The following EXOC4 variants were observed in gnomAD, a reference collection of about 807,000 sequenced individuals.
The protein encoded by EXOC4 is exocyst complex component 4.
EXOC4 carries 71 observed loss-of-function variants against 107.2 expected under a neutral mutation model. That is an observed-to-expected ratio of 0.66 (90% CI 0.55 to 0.81). The LOEUF (loss-of-function observed/expected upper bound fraction) is 0.81, where lower values mean the gene tolerates loss of function less well. Among genes scored for constraint, EXOC4 ranks in the 30% least tolerant of loss-of-function variants. The pLI, the probability that EXOC4 is intolerant of heterozygous loss-of-function variation, is 0.00. For synonymous variants in EXOC4, 456 were observed against 441.2 expected (o/e 1.03, Z -0.42); for missense variants, 1,108 against 1,189.6 (o/e 0.93, Z 1.01).
At chr7:133,372,653 A>G (rs1796403238) in intron 6 of EXOC4, among the ~76,000 whole-genome samples, 1 of 152,264 alleles carries the variant, frequency 6.6e-6, no homozygotes, top group African/African-American at 2.4e-5. Flanking sequence ...GGAGATAACC[A>G]GATAACAGCA....
chr7:133,377,414 T>C (rs1343183261), intron 7 of EXOC4, among the ~76,000 whole-genome samples: 1 of 152,052 alleles, frequency 6.6e-6, no homozygotes, highest in Non-Finnish European at 1.5e-5. Context: ...TAGCTGCAGA[T>C]AACATACTGT....
intron 11 of EXOC4, among the ~76,000 whole-genome samples, chr7:133,868,286 C>G (rs547689121): frequency 6.6e-6 from 1 of 152,312 alleles, no homozygotes; most frequent in South Asian, 2.1e-4. Context: ...GAATGATTCT[C>G]TAATCTGCCT....
intron 3 of EXOC4, among the ~76,000 whole-genome samples, chr7:133,295,888 AG>A (rs530841305): frequency 2.0e-5 from 3 of 152,286 alleles, no homozygotes; most frequent in African/African-American, 7.2e-5. Context: ...TCGATGTGAA[AG>A]CTCTGTAGAT....
At chr7:133,905,501 C>T (rs1294277802) in intron 12 of EXOC4, among the ~76,000 whole-genome samples, 1 of 152,174 alleles carries the variant, frequency 6.6e-6, no homozygotes, top group African/African-American at 2.4e-5. Context: ...AGAGTGCTTC[C>T]CTCCCCTTGC....
At chr7:133,976,158 C>T (rs924812678) in intron 14 of EXOC4, among the ~76,000 whole-genome samples, 1 of 152,128 alleles carries the variant, frequency 6.6e-6, no homozygotes, top group Admixed American at 6.5e-5. Flanking sequence ...CCACAAAATG[C>T]AGTGTGTGGC....
At chr7:133,510,146 C>T (rs1468536617) in intron 9 of EXOC4, among the ~76,000 whole-genome samples, 1 of 152,154 alleles carries the variant, frequency 6.6e-6, no homozygotes, top group African/African-American at 2.4e-5. Context: ...CCCACCTCAG[C>T]CTCAGAAGAC....
intron 10 of EXOC4, among the ~76,000 whole-genome samples, chr7:133,793,815 A>G (rs1796754998): frequency 1.3e-5 from 2 of 151,564 alleles, no homozygotes; most frequent in Admixed American, 6.6e-5. Flanking sequence ...CTGCACTACA[A>G]CCTGGGGACA....
chr7:133,872,908 T>G (rs1255043311), intron 11 of EXOC4, among the ~76,000 whole-genome samples: 1 of 152,254 alleles, frequency 6.6e-6, no homozygotes, highest in Non-Finnish European at 1.5e-5. Flanking sequence ...TATGTTTTCT[T>G]TCCTCTGCTT....
chr7:133,851,929 C>T (rs1210867717), intron 11 of EXOC4, among the ~76,000 whole-genome samples: 1 of 152,114 alleles, frequency 6.6e-6, no homozygotes, highest in Non-Finnish European at 1.5e-5. Flanking sequence ...TTTTGGTTGT[C>T]GCCATTGTTT....
chr7:133,731,200 A>T (rs1029127459), intron 10 of EXOC4, among the ~76,000 whole-genome samples: 2 of 152,156 alleles, frequency 1.3e-5, no homozygotes, highest in African/African-American at 4.8e-5. Flanking sequence ...GTAACATCAG[A>T]TTTACTGTTT....
At chr7:133,708,623 AT>A (rs1794819160) in intron 10 of EXOC4, among the ~76,000 whole-genome samples, 1 of 152,182 alleles carries the variant, frequency 6.6e-6, no homozygotes, top group Non-Finnish European at 1.5e-5. Flanking sequence ...TCATTCTCTC[AT>A]TTAAGTCCTG....
intron 8 of EXOC4, among the ~76,000 whole-genome samples, chr7:133,476,867 G>A (rs543978630): frequency 4.0e-4 from 61 of 152,226 alleles, no homozygotes; most frequent in African/African-American, 1.4e-3. Flanking sequence ...CCATCTCTCT[G>A]CATTGCCATC....
chr7:133,296,484 A>C (rs975080540), intron 3 of EXOC4, among the ~76,000 whole-genome samples: 3 of 152,146 alleles, frequency 2.0e-5, no homozygotes, highest in Non-Finnish European at 4.4e-5. Context: ...AGCTGAAAAC[A>C]AAATGAGTAA....
chr7:133,402,291 G>A (rs1486455411), intron 7 of EXOC4, among the ~76,000 whole-genome samples: 1 of 152,212 alleles, frequency 6.6e-6, no homozygotes. Flanking sequence ...GAAGGCTGCT[G>A]TTGAGTAACT....
intron 5 of EXOC4, among the ~76,000 whole-genome samples, chr7:133,334,571 C>T (rs7798267): frequency 0.33 from 50,098 of 151,976 alleles, 10,068 homozygotes; most frequent in African/African-American, 0.57. Context: ...TTTTTATACT[C>T]TAAGTTCAGG....
At chr7:133,412,783 A>C (rs1222287112) in intron 7 of EXOC4, among the ~76,000 whole-genome samples, 2 of 152,170 alleles carry the variant, frequency 1.3e-5, no homozygotes, top group African/African-American at 4.8e-5. Context: ...GAATCATATT[A>C]AAATTTAATG....
At chr7:134,077,376 G>A in the EXOC4 span, among the ~76,000 whole-genome samples, 1 of 152,162 alleles carries the variant, frequency 6.6e-6, no homozygotes, top group Non-Finnish European at 1.5e-5. Flanking sequence ...TCTTTACACA[G>A]CCTACTGCTT....
At chr7:133,793,181 C>T (rs1585149381) in intron 10 of EXOC4, among the ~76,000 whole-genome samples, 1 of 152,134 alleles carries the variant, frequency 6.6e-6, no homozygotes, top group African/African-American at 2.4e-5. Context: ...GAACAGGGAG[C>T]ACTTTCAACT....
At chr7:133,560,395 A>G (rs1800783461) in intron 9 of EXOC4, among the ~76,000 whole-genome samples, 1 of 152,014 alleles carries the variant, frequency 6.6e-6, no homozygotes, top group Non-Finnish European at 1.5e-5. Context: ...ATTGATTCTC[A>G]TGCTTCAGCC....
Sources: allele counts gnomAD v4.1 joint callset (sites outside exome capture counted in the v4.1 genomes callset), GRCh38; gene constraint gnomAD v4.1.1; transcripts MANE v1.5; gene names NCBI Gene and HGNC (gene_info 2026-07-23, HGNC 2026-07-21).